The following UGT2B10 variants were observed in gnomAD, a reference collection of about 807,000 sequenced individuals.
The protein encoded by UGT2B10 is UDP glucuronosyltransferase family 2 member B10, also known as UDP-glucuronosyltransferase 2B10.
UGT2B10 carries 51 observed loss-of-function variants against 43.7 expected under a neutral mutation model. The ratio of observed to expected loss-of-function variants is 1.17; its 90% CI spans 0.93 to 1.47. UGT2B10 has a LOEUF of 1.47. Among genes scored for constraint, UGT2B10 ranks in the 40% most tolerant of loss-of-function variants. UGT2B10 has a pLI of 0.00. For synonymous variants in UGT2B10, 225 were observed against 209.0 expected (o/e 1.08, Z -0.66); for missense variants, 696 against 617.7 (o/e 1.13, Z -1.34).
intron 5 of UGT2B10, among the ~76,000 whole-genome samples, chr4:68,829,859 C>T (rs746254836): frequency 3.3e-5 from 5 of 151,998 alleles, no homozygotes; most frequent in African/African-American, 1.2e-4. Context: ...GACCAAATAA[C>T]AGAGTTGGAT....
At chr4:68,822,912 G>A (rs1243310804) in intron 3 of UGT2B10, among the ~76,000 whole-genome samples, 1 of 152,038 alleles carries the variant, frequency 6.6e-6, no homozygotes, top group Non-Finnish European at 1.5e-5. Context: ...GTATCCAATG[G>A]GTGAAGAACA....
At chr4:68,822,104 T>A (rs931555796) in intron 2 of UGT2B10, among the ~76,000 whole-genome samples, 167 bp from the exon 3 acceptor site, 3 of 152,104 alleles carry the variant, frequency 2.0e-5, no homozygotes, top group Non-Finnish European at 4.4e-5. Flanking sequence ...ATCTCATACA[T>A]CTTCTTGCAA....
Position 68,822,334 on chromosome 4 carries a change from A to G in UGT2B10, c.931A>G (p.Met311Val), listed in dbSNP as rs782005756. The G allele has an allele frequency of 1.1e-5, 18 of 1,613,594 alleles. No individual in the cohort carries two copies. The highest frequency in any genetic ancestry group is 1.5e-5 in the Non-Finnish European group (18 of 1,179,842). ...NGVVVFSLGS[M>V]VSNMTEERAN... ...TGTTGTGGTGTTTTCTCTGGGGTCA[A>G]TGGTCAGTAACATGACAGAAGAAAG... The change falls in exon 3 of 6, where the codon ATG becomes GTG. Residue 311 changes from methionine to valine, a missense_variant. Coordinates refer to ENST00000265403, the MANE Select transcript of UGT2B10 (RefSeq NM_001075.6).
In UGT2B10 at chr4:68,831,923, T is replaced by C. The variant is rs1738116379; in HGVS notation, c.*1044T>C. 6.6e-6 allele frequency among the ~76,000 whole-genome samples: 1 copy of C among 152,092 alleles called. No individual in the cohort carries two copies. Among genetic ancestry groups the C allele is most frequent in the African/African-American group, 2.4e-5 (1 of 41,442 alleles). ...TGTTTATCTGACATTTATTATTTTG[T>C]CTCTTTGCTAGTCACTCTGAGCCAT... On this transcript the variant is annotated 3_prime_UTR_variant, in exon 6 of 6. Coordinates refer to ENST00000265403, the MANE Select transcript of UGT2B10 (RefSeq NM_001075.6).
At chr4:68,822,528 C>G (rs1294596257) in intron 3 of UGT2B10, 126 bp downstream of exon 3, 1 of 1,560,474 alleles carries the variant, frequency 6.4e-7, no homozygotes, top group Non-Finnish European at 8.6e-7. Context: ...CTTAAATATG[C>G]TTGTATAGCA....
In UGT2B10 at chr4:68,819,067, T is replaced by C. The variant is rs572550228; in HGVS notation, c.867+890T>C. 2.0e-5 allele frequency among the ~76,000 whole-genome samples: 3 copies of C among 152,052 alleles called. No individual in the cohort carries two copies. The South Asian group carries it at 6.2e-4, about 32-fold the overall frequency. On this transcript the variant is annotated intron_variant, in intron 2 of 5. Transcript: ENST00000265403. Reference sequence around the variant, plus strand: ...GATGATGAAAAAGTGGACTACACTGTTGATAGAAATAATTATGCCTACATT... The same window carrying C: ...GATGATGAAAAAGTGGACTACACTGCTGATAGAAATAATTATGCCTACATT...
intron 2 of UGT2B10, 135 bp downstream of exon 2, chr4:68,818,312 A>C: frequency 6.8e-7 from 1 of 1,466,226 alleles, no homozygotes; most frequent in East Asian, 2.4e-5. Flanking sequence ...TACCAATTAG[A>C]AACTCATGTA....
intron 3 of UGT2B10, 134 bp downstream of exon 3, chr4:68,822,536 G>A: frequency 6.5e-7 from 1 of 1,543,882 alleles, no homozygotes; most frequent in Non-Finnish European, 8.7e-7. Flanking sequence ...TGCTTGTATA[G>A]CATCCACTGA....
chr4:68,820,751 A>T (rs1323141018), intron 2 of UGT2B10, among the ~76,000 whole-genome samples: 1 of 152,108 alleles, frequency 6.6e-6, no homozygotes, highest in Non-Finnish European at 1.5e-5. Context: ...ATCCATAATA[A>T]AAAATACATA....
rs767602249 is a variant in UGT2B10, at chr4:68,816,505, A to G, written c.486A>G (p.Leu162=). Residue 162 remains leucine, a synonymous_variant, in exon 1 of 6, where the codon CTA becomes CTG. Transcript: ENST00000265403. The part of the protein sequence containing the change: ...YLPCGELLAE[L]FNIPFVYSHS... ...CCTGTGGTGAGCTGCTGGCTGAGCT[A>G]TTTAACATACCCTTTGTGTACAGTC... is the stretch of plus-strand genomic sequence containing the variant. 3 of 1,613,224 alleles carry G rather than the reference A, an allele frequency of 1.9e-6. No individual in the cohort carries two copies. The highest frequency in any genetic ancestry group is 1.1e-5 in the South Asian group (1 of 91,060).
At chr4:68,823,241 T>C (rs906058410) in intron 3 of UGT2B10, among the ~76,000 whole-genome samples, 7 of 152,066 alleles carry the variant, frequency 4.6e-5, no homozygotes, top group Non-Finnish European at 8.8e-5. Context: ...GGCATGGTGG[T>C]TCGCGCCTGT....
rs1738099420 is a variant in UGT2B10 at position 68,831,476 on chromosome 4, G to A, written c.*597G>A. ...ATAAAAGAAGAATGGGATGAGGTGA[G>A]AAGGATGAATACAAAAATAATTAGA... On this transcript the variant is annotated 3_prime_UTR_variant, in exon 6 of 6. Transcript: ENST00000265403. 1.3e-5 allele frequency among the ~76,000 whole-genome samples: 2 copies of A among 152,096 alleles called. No homozygotes were observed. Among genetic ancestry groups the A allele is most frequent in the Admixed American group, 6.6e-5 (1 of 15,256 alleles).
rs782686830 is a variant in UGT2B10 at position 68,822,386 on chromosome 4, C to T, written c.983C>T (p.Ala328Val). The T allele has an allele frequency of 3.1e-6, 5 of 1,613,512 alleles. No individual in the cohort carries two copies. The South Asian group carries it at 5.5e-5, about 18-fold the overall frequency. ...GCCAACGTAATTGCAACAGCCCTTG[C>T]CAAGATCCCACAAAAGGTAAGATAA... ...ERANVIATAL[A>V]KIPQKVLWRF... The change falls in exon 3 of 6, where the codon GCC (alanine) becomes GTC (valine). Residue 328 changes from alanine (A) to valine (V), a missense_variant. Physicochemically the swap from Ala to Val is moderately conservative, Grantham distance 64. Transcript: ENST00000265403.
At chr4:68,826,024 T>C (rs1737754651) in intron 3 of UGT2B10, among the ~76,000 whole-genome samples, 1 of 152,104 alleles carries the variant, frequency 6.6e-6, no homozygotes, top group African/African-American at 2.4e-5. Flanking sequence ...TTTTTAATAA[T>C]GGCCATTCTG....
At chr4:68,826,383 A>G in intron 3 of UGT2B10, 27 bp from the exon 4 acceptor site, 1 of 1,596,924 alleles carries the variant, frequency 6.3e-7, no homozygotes, top group Admixed American at 1.8e-5. Flanking sequence ...CCACTCGTGG[A>G]ATAAGATATT....
intron 5 of UGT2B10, among the ~76,000 whole-genome samples, chr4:68,829,238 A>G (rs1246420658): frequency 1.3e-5 from 2 of 152,224 alleles, no homozygotes; most frequent in East Asian, 1.9e-4. Flanking sequence ...TAAGGAGTAC[A>G]TATTATATAA....
chr4:68,817,616 C>A (rs1737280467), intron 1 of UGT2B10, among the ~76,000 whole-genome samples: 1 of 151,004 alleles, frequency 6.6e-6, no homozygotes, highest in Non-Finnish European at 1.5e-5. Context: ...GTTGTGTAAA[C>A]TAGACTATTT....
rs936364456 is a variant in UGT2B10, at chr4:68,817,899, T to C, written c.719-130T>C. 5 of 1,057,030 alleles carry C rather than the reference T, an allele frequency of 4.7e-6. No homozygotes were observed. The African/African-American group carries it at 5.0e-5, about 10-fold the overall frequency. 65.5% of individuals were successfully genotyped at this position (1,057,030 alleles called of 1,614,324 possible). On this transcript the variant is annotated intron_variant, in intron 1 of 5. Coordinates refer to ENST00000265403, the MANE Select transcript of UGT2B10 (RefSeq NM_001075.6). ...AATAAATTATTCCTATATATGAATA[T>C]ATGTACATATTTTTCAAAGCACACA...
Position 68,827,326 on chromosome 4 carries a change from T to C in UGT2B10, c.1088-3T>C. ...AATTTTGCTAAAATTCATCCAATCCTAGGTCATCCAAAAACCAGAGCTTTT... is the reference window on the plus strand; with the variant it reads ...AATTTTGCTAAAATTCATCCAATCCCAGGTCATCCAAAAACCAGAGCTTTT... On this transcript the variant is annotated splice_polypyrimidine_tract_variant and splice_region_variant and intron_variant, in intron 4 of 5. Transcript: ENST00000265403. 4 of 1,613,168 alleles carry C rather than the reference T, an allele frequency of 2.5e-6. No individual in the cohort carries two copies. The highest frequency in any genetic ancestry group is 3.4e-6 in the Non-Finnish European group (4 of 1,179,392).
Sources: allele counts gnomAD v4.1 joint callset (sites outside exome capture counted in the v4.1 genomes callset), GRCh38; gene constraint gnomAD v4.1.1; transcripts MANE v1.5; gene names NCBI Gene and HGNC (gene_info 2026-07-23, HGNC 2026-07-21).